Variants in SNX4 observed in about 807,000 individuals in gnomAD.
The protein encoded by SNX4 is sorting nexin 4.
A neutral mutation model predicts 70.8 loss-of-function variants in SNX4; 49 were observed. The ratio of observed to expected loss-of-function variants is 0.69; its 90% CI spans 0.55 to 0.88. The LOEUF is 0.88. SNX4 is among the 40% of genes least tolerant of loss of function. The pLI is 0.00. For synonymous variants in SNX4, 206 were observed against 183.8 expected (o/e 1.12, Z -0.98); for missense variants, 528 against 544.8 (o/e 0.97, Z 0.31).
rs1187411134 is a variant in SNX4, at chr3:125,453,941, G to C, written c.1059C>G (p.Phe353Leu). Residue 353 changes from phenylalanine to leucine, a missense_variant, in exon 12 of 14, where the codon TTC becomes TTG. By Grantham distance (22) the Phe-to-Leu change is conservative. Coordinates refer to ENST00000251775, the MANE Select transcript of SNX4 (RefSeq NM_003794.4). The stretch of plus-strand genomic sequence containing the variant: ...GCTTGGTAGTCATTCCCTTCAAAGA[G>C]AATGTTCTCACAGTCTAAAAGGAAA... ...EELVTGTVRTFSLKGMTTKLF... is the reference protein window; with the variant it reads ...EELVTGTVRTLSLKGMTTKLF... 2.5e-6 allele frequency: 4 copies of C among 1,613,238 alleles called. No homozygotes were observed. Among genetic ancestry groups the C allele is most frequent in the East Asian group, 2.2e-5 (1 of 44,856 alleles).
chr3:125,490,171 A>G (rs1934619874), intron 5 of SNX4, among the ~76,000 whole-genome samples: 1 of 151,808 alleles, frequency 6.6e-6, no homozygotes, highest in African/African-American at 2.4e-5. Flanking sequence ...TACTGAGGGT[A>G]GTTCCAAAGC....
intron 13 of SNX4, among the ~76,000 whole-genome samples, chr3:125,449,683 C>A (rs1175486334): frequency 6.6e-6 from 1 of 152,110 alleles, no homozygotes; most frequent in Non-Finnish European, 1.5e-5. Flanking sequence ...TACAAAATAT[C>A]CAACAGTATG....
At chr3:125,482,649 G>C (rs1237586710) in intron 6 of SNX4, among the ~76,000 whole-genome samples, 1 of 151,952 alleles carries the variant, frequency 6.6e-6, no homozygotes. Context: ...TACTGCAAAG[G>C]TTATCCGCTG....
At chr3:125,451,727 A>G (rs1248955106) in intron 12 of SNX4, among the ~76,000 whole-genome samples, 1 of 150,792 alleles carries the variant, frequency 6.6e-6, no homozygotes. Flanking sequence ...TCCGGGTTTG[A>G]GCAATTCTCC....
At chr3:125,454,096 AAGTGAAATAAGAC>A in intron 11 of SNX4, 141 bp from the exon 12 acceptor site, 1 of 661,160 alleles carries the variant, frequency 1.5e-6, no homozygotes, top group South Asian at 2.1e-5. Context: ...ACATTATGCT[AAGTGAAATAAGAC>A]AGATACAAAA....
chr3:125,452,602 T>A (rs747392128), intron 12 of SNX4, among the ~76,000 whole-genome samples: 7 of 151,814 alleles, frequency 4.6e-5, no homozygotes, highest in Non-Finnish European at 7.4e-5. Context: ...AAAATAATAA[T>A]AAAAATTAAA....
intron 9 of SNX4, among the ~76,000 whole-genome samples, chr3:125,461,475 T>A (rs1397408089): frequency 6.6e-6 from 1 of 152,218 alleles, no homozygotes; most frequent in African/African-American, 2.4e-5. Context: ...CTTGTAAGAC[T>A]GTAATATCTT....
intron 6 of SNX4, among the ~76,000 whole-genome samples, chr3:125,483,830 A>G (rs531330477): frequency 6.6e-6 from 1 of 152,252 alleles, no homozygotes; most frequent in African/African-American, 2.4e-5. Flanking sequence ...TGTTTAAGAA[A>G]TAAAGGAATG....
At position 125,448,669 on chromosome 3, in the gene SNX4, CTTTTTTT is replaced by C. The variant is rs921502028; in HGVS notation, c.1306-850_1306-844del. On this transcript the variant is annotated intron_variant, in intron 13 of 13. Coordinates refer to ENST00000251775, the MANE Select transcript of SNX4 (RefSeq NM_003794.4). ...AACAGTAAAACTTAAGGGTTTTTTC[CTTTTTTT>C]TTTTTTTTTTTTTTTTTGAGACAGA... 9.4e-3 allele frequency among the ~76,000 whole-genome samples: 893 copies of C among 95,394 alleles called. 4 individuals carry two copies. Among genetic ancestry groups the C allele is most frequent in the African/African-American group, 0.036 (806 of 22,492 alleles). The allele number at this position is 95,394 out of a possible 152,430, so 62.6% of individuals were successfully genotyped here. A position where few individuals can be genotyped will look rare whatever the true frequency, so the allele number is the denominator to read the frequency against.
At chr3:125,478,084 A>G (rs1934325676) in intron 7 of SNX4, among the ~76,000 whole-genome samples, 1 of 150,796 alleles carries the variant, frequency 6.6e-6, no homozygotes, top group Non-Finnish European at 1.5e-5. Flanking sequence ...TATTATTATT[A>G]TTATTATTAT....
chr3:125,499,535 GAATT>G (rs1221800527), intron 2 of SNX4, among the ~76,000 whole-genome samples: 1 of 151,998 alleles, frequency 6.6e-6, no homozygotes, highest in African/African-American at 2.4e-5. Flanking sequence ...CAAAAAAATA[GAATT>G]ATTAAATCAT....
intron 5 of SNX4, among the ~76,000 whole-genome samples, chr3:125,496,459 TA>T (rs1227949623): frequency 6.6e-6 from 1 of 152,180 alleles, no homozygotes; most frequent in Non-Finnish European, 1.5e-5. Flanking sequence ...TAAATTACTG[TA>T]AAAAAATTTT....
At chr3:125,466,522 T>C (rs1029224567) in intron 9 of SNX4, among the ~76,000 whole-genome samples, 1 of 152,038 alleles carries the variant, frequency 6.6e-6, no homozygotes, top group Non-Finnish European at 1.5e-5. Context: ...ACAGATAACT[T>C]ACGAAATGGG....
Position 125,447,798 on chromosome 3 carries a change from T to C in SNX4, c.1334A>G (p.Glu445Gly). 2 of 1,594,164 alleles carry C rather than the reference T, an allele frequency of 1.3e-6. No homozygotes were observed. Among genetic ancestry groups the C allele is most frequent in the Non-Finnish European group, 1.7e-6 (2 of 1,171,850 alleles). The change falls in exon 14 of 14, where the codon GAA becomes GGA. Residue 445 changes from glutamate (E) to glycine (G), a missense_variant. Around this residue, in one of 3 missense-constraint regions of SNX4, gnomAD observed 159 missense variants for 172.6 expected, o/e 0.92. Coordinates refer to ENST00000251775, the MANE Select transcript of SNX4 (RefSeq NM_003794.4). Reference protein sequence around the residue: ...KGIQVWTNAKECFSKM With the variant: ...KGIQVWTNAKGCFSKM ...ACAGGATTACATCTTGCTAAAGCAT[T>C]CCTTAGCATTGGTCCAAACTTGAAT...
At chr3:125,462,271 A>G (rs186799044) in intron 9 of SNX4, among the ~76,000 whole-genome samples, 1 of 152,260 alleles carries the variant, frequency 6.6e-6, no homozygotes, top group African/African-American at 2.4e-5. Flanking sequence ...AGCATCTACA[A>G]TGTGCCAATT....
At chr3:125,482,846 T>A (rs976987971) in intron 6 of SNX4, among the ~76,000 whole-genome samples, 1 of 152,074 alleles carries the variant, frequency 6.6e-6, no homozygotes, top group African/African-American at 2.4e-5. Context: ...GAAAATAATT[T>A]AGGGATAAAA....
chr3:125,506,482 A>C (rs959118699), intron 1 of SNX4, among the ~76,000 whole-genome samples: 1 of 150,938 alleles, frequency 6.6e-6, no homozygotes, highest in Non-Finnish European at 1.5e-5. Context: ...CCAGGATTAC[A>C]GGCTTGTGCC....
intron 1 of SNX4, among the ~76,000 whole-genome samples, chr3:125,510,466 T>C (rs1291281972): frequency 6.6e-6 from 1 of 152,156 alleles, no homozygotes; most frequent in Admixed American, 6.5e-5. Flanking sequence ...CCTGACCTTG[T>C]GATCCACCCG....
At chr3:125,492,205 C>T (rs940404108) in intron 5 of SNX4, among the ~76,000 whole-genome samples, 2 of 151,006 alleles carry the variant, frequency 1.3e-5, no homozygotes, top group Non-Finnish European at 3.0e-5. Context: ...TGTGGCAACA[C>T]TTTTACCTGC....
Sources: gnomAD v4.1 joint callset for allele counts (sites outside exome capture counted in the v4.1 genomes callset) on GRCh38, gnomAD v4.1.1 for gene constraint, gnomAD v4.1.1 regional missense constraint, MANE v1.5 for transcripts, NCBI Gene and HGNC (gene_info 2026-07-23, HGNC 2026-07-21) for gene names.